Variants in NAALADL2 observed in about 807,000 individuals in gnomAD.
The protein encoded by NAALADL2 is inactive N-acetylated-alpha-linked acidic dipeptidase-like protein 2.
Under a neutral mutation model 87.2 loss-of-function variants are expected in NAALADL2, and 76 were observed. The ratio of observed to expected loss-of-function variants is 0.87; its 90% CI spans 0.72 to 1.05. The LOEUF is 1.05. Among genes scored for constraint, NAALADL2 ranks in the 50% least tolerant of loss-of-function variants. The pLI is 0.00. For synonymous variants in NAALADL2, 354 were observed against 331.0 expected (o/e 1.07, Z -0.75); for missense variants, 1,089 against 945.8 (o/e 1.15, Z -1.99).
intron 2 of NAALADL2, among the ~76,000 whole-genome samples, chr3:174,580,800 T>A (rs1039479719): frequency 6.6e-6 from 1 of 152,154 alleles, no homozygotes; most frequent in African/African-American, 2.4e-5. Context: ...AACATTTGAG[T>A]GCAAAATTTT....
intron 2 of NAALADL2, among the ~76,000 whole-genome samples, chr3:174,613,525 C>A (rs1169998594): frequency 6.6e-6 from 1 of 152,218 alleles, no homozygotes; most frequent in African/African-American, 2.4e-5. Context: ...CTTTCCTCTT[C>A]TTTCTAAAGA....
intron 11 of NAALADL2, among the ~76,000 whole-genome samples, chr3:175,678,904 A>G (rs1475169615): frequency 6.6e-6 from 1 of 152,182 alleles, no homozygotes; most frequent in South Asian, 2.1e-4. Flanking sequence ...GTGAGCAACA[A>G]GGCTGTTCAT....
chr3:174,873,841 AAG>A (rs1296678481), intron 1 of NAALADL2, among the ~76,000 whole-genome samples: 1 of 151,476 alleles, frequency 6.6e-6, no homozygotes, highest in East Asian at 2.0e-4. Flanking sequence ...AACATATTGA[AAG>A]AGGGAAATTT....
At chr3:175,296,332 C>T (rs1008344964) in intron 4 of NAALADL2, among the ~76,000 whole-genome samples, 4 of 152,098 alleles carry the variant, frequency 2.6e-5, no homozygotes, top group East Asian at 1.9e-4. Flanking sequence ...TAATACTTCC[C>T]GTATGAAATT....
In NAALADL2 at chr3:174,808,807, T is replaced by G. The variant is rs151309338; in HGVS notation, c.-9+71061T>G. Among the ~76,000 whole-genome samples the G allele has an allele frequency of 6.3e-3, 959 of 151,858 alleles. 9 individuals carry two copies. Among genetic ancestry groups the G allele is most frequent in the Middle Eastern group, 0.024 (7 of 294 alleles). ...CATATTTTCAATTAAAAAAAATGTG[T>G]GTGTGTGTTTGTGTGTGCACATGCA... On this transcript the variant is annotated intron_variant, in intron 3 of 3. Coordinates refer to the NAALADL2 transcript ENST00000434257.
In NAALADL2 at chr3:175,029,383, G is replaced by A. The variant is rs141321207; in HGVS notation, c.44-67407G>A. ...AAATGGGGGACCCTAGTGAACCTGA[G>A]TGACTGGTTTCTTGCCAAAGCTTGC... is the stretch of plus-strand genomic sequence containing the variant. On this transcript the variant is annotated intron_variant, in intron 1 of 13. Transcript: ENST00000454872. Among the ~76,000 whole-genome samples the A allele has an allele frequency of 8.0e-3, 1,214 of 152,084 alleles. 8 individuals are homozygous for A. Among genetic ancestry groups the A allele is most frequent in the Middle Eastern group, 0.027 (8 of 292 alleles).
At chr3:174,810,989 G>T (rs949036359) in intron 3 of NAALADL2, among the ~76,000 whole-genome samples, 3 of 152,174 alleles carry the variant, frequency 2.0e-5, no homozygotes, top group African/African-American at 7.2e-5. Flanking sequence ...CTGTTTCAGA[G>T]GGTGCAAGCT....
chr3:174,804,673 C>T (rs896051652), intron 3 of NAALADL2, among the ~76,000 whole-genome samples: 2 of 151,688 alleles, frequency 1.3e-5, no homozygotes, highest in African/African-American at 4.8e-5. Flanking sequence ...TGACATGGAC[C>T]CTAACTTAGA....
At position 174,875,399 on chromosome 3, in the gene NAALADL2, C is replaced by A. The variant is rs368259936; in HGVS notation, c.43+15949C>A. 8.0e-4 allele frequency among the ~76,000 whole-genome samples: 121 copies of A among 151,960 alleles called. 1 individual carries two copies. The highest frequency in any genetic ancestry group is 1.5e-3 in the Non-Finnish European group (103 of 67,944). On this transcript the variant is annotated intron_variant, in intron 1 of 13. Coordinates refer to ENST00000454872, the MANE Select transcript of NAALADL2 (RefSeq NM_207015.3). ...ACATACATATATTTGCATAGAAATA[C>A]AGGAGGAATATGGACTTCTAGTATG...
chr3:174,539,166 T>C (rs1280325161), intron 1 of NAALADL2, among the ~76,000 whole-genome samples: 1 of 152,146 alleles, frequency 6.6e-6, no homozygotes, highest in Non-Finnish European at 1.5e-5. Flanking sequence ...TAAGACTAAG[T>C]AAAGACAATA....
At chr3:175,657,852 A>G (rs1410498348) in intron 11 of NAALADL2, among the ~76,000 whole-genome samples, 1 of 152,086 alleles carries the variant, frequency 6.6e-6, no homozygotes, top group Non-Finnish European at 1.5e-5. Flanking sequence ...CTAGGATTAC[A>G]GGCGTGAGCC....
chr3:174,570,533 G>A (rs1286400781), intron 2 of NAALADL2, among the ~76,000 whole-genome samples: 1 of 152,088 alleles, frequency 6.6e-6, no homozygotes, highest in East Asian at 1.9e-4. Context: ...GAGAGAAGTA[G>A]ACATGTAAGC....
At chr3:175,007,793 A>G (rs1749236297) in intron 1 of NAALADL2, among the ~76,000 whole-genome samples, 1 of 152,180 alleles carries the variant, frequency 6.6e-6, no homozygotes, top group African/African-American at 2.4e-5. Flanking sequence ...AATTAGGCAT[A>G]GAAAGAGATG....
intron 4 of NAALADL2, among the ~76,000 whole-genome samples, chr3:175,278,333 T>C (rs1040214331): frequency 2.6e-5 from 4 of 152,146 alleles, no homozygotes; most frequent in African/African-American, 4.8e-5. Flanking sequence ...AATGGATGCA[T>C]CTAGTTGCAT....
intron 3 of NAALADL2, among the ~76,000 whole-genome samples, chr3:174,815,344 C>G (rs572281716): frequency 6.6e-6 from 1 of 152,146 alleles, no homozygotes; most frequent in Non-Finnish European, 1.5e-5. Context: ...CTAGGCCTCC[C>G]TCCTTGACTT....
At chr3:175,622,848 G>A (rs940328899) in intron 10 of NAALADL2, among the ~76,000 whole-genome samples, 2 of 152,094 alleles carry the variant, frequency 1.3e-5, no homozygotes, top group Admixed American at 1.3e-4. Context: ...GAAATGATGG[G>A]ATTAAGGAGA....
chr3:175,252,692 AC>A (rs1749266797), intron 3 of NAALADL2, among the ~76,000 whole-genome samples: 1 of 152,194 alleles, frequency 6.6e-6, no homozygotes, highest in African/African-American at 2.4e-5. Context: ...CTTGTGTCAA[AC>A]AGCCAAGTTG....
At chr3:174,705,644 G>A (rs181780469) in intron 2 of NAALADL2, among the ~76,000 whole-genome samples, 2,089 of 151,502 alleles carry the variant, frequency 0.014, 27 homozygotes, top group South Asian at 0.052. Context: ...TTAGCCGGGC[G>A]TGGTGGTGGG....
chr3:174,454,996 C>T (rs956242544), intron 1 of NAALADL2, among the ~76,000 whole-genome samples: 4 of 148,084 alleles, frequency 2.7e-5, no homozygotes, highest in African/African-American at 5.0e-5. Flanking sequence ...CCTAGCTATA[C>T]TAATAAGAGA....
Sources: gnomAD v4.1 joint callset for allele counts (sites outside exome capture counted in the v4.1 genomes callset) on GRCh38, gnomAD v4.1.1 for gene constraint, MANE v1.5 for transcripts, NCBI Gene and HGNC (gene_info 2026-07-23, HGNC 2026-07-21) for gene names.